Variants in ZNF217 observed in about 807,000 individuals in gnomAD.
ZNF217 encodes the protein zinc finger protein 217.
Under a neutral mutation model 73.3 loss-of-function variants are expected in ZNF217, and 12 were observed. That is an observed-to-expected ratio of 0.16 (90% confidence interval 0.10 to 0.27). ZNF217 has a LOEUF of 0.27. Among genes scored for constraint, ZNF217 ranks in the 10% least tolerant of loss-of-function variants. The pLI is 1.00. For missense variants in ZNF217, 1,195 were observed against 1,327.8 expected (o/e 0.90, Z 1.55); for synonymous variants, 588 against 516.4 (o/e 1.14, Z -1.88).
In ZNF217 at chr20:53,567,387, AATGTGGTT is replaced by A. The variant is rs1568674575; in HGVS notation, c.*1893_*1900del. On this transcript the variant is annotated 3_prime_UTR_variant, in exon 6 of 6. Coordinates refer to ENST00000371471, the MANE Select transcript of ZNF217 (RefSeq NM_006526.3). ...TAATTGGTATTTTTATACATTCAGA[AATGTGGTT>A]AAAAAGAGAAATCTGAAAGCCCAAA... 6.6e-6 allele frequency: 1 copy of A among 152,662 alleles called. No homozygotes were observed. The highest frequency in any genetic ancestry group is 1.5e-5 in the Non-Finnish European group (1 of 68,038). 9.5% of individuals were successfully genotyped at this position (152,662 alleles called of 1,614,324 possible).
At position 53,567,534 on chromosome 20, in the gene ZNF217, T is replaced by C. The variant is rs1600705549; in HGVS notation, c.*1754A>G. ...TATCACATACCCCCTTTAAGATTTATGGTTCTAGTCACAGCAAGCTCTCTG... is the reference window on the plus strand; with the variant it reads ...TATCACATACCCCCTTTAAGATTTACGGTTCTAGTCACAGCAAGCTCTCTG... On this transcript the variant is annotated 3_prime_UTR_variant, in exon 6 of 6. Coordinates refer to ENST00000371471, the MANE Select transcript of ZNF217 (RefSeq NM_006526.3). 1 of 152,650 alleles carries C rather than the reference T, an allele frequency of 6.6e-6. No individual in the cohort carries two copies. The highest frequency in any genetic ancestry group is 2.1e-4 in the South Asian group (1 of 4,836). The allele number at this position is 152,650 out of a possible 1,614,324, so 9.5% of individuals were successfully genotyped here. A position where few individuals can be genotyped will look rare whatever the true frequency, so the allele number is the denominator to read the frequency against.
chr20:53,579,181 T>TA (rs1232984172), intron 2 of ZNF217, among the ~76,000 whole-genome samples: 12 of 152,238 alleles, frequency 7.9e-5, no homozygotes, highest in East Asian at 3.9e-4. Flanking sequence ...CAGGAGAAGT[T>TA]AGAGTCCACT....
Position 53,576,526 on chromosome 20 carries a change from C to G in ZNF217, c.2238G>C (p.Lys746Asn). Residue 746 changes from lysine (K) to asparagine (N), a missense_variant, in exon 4 of 6, where the codon AAG (lysine) becomes AAC (asparagine). Transcript: ENST00000371471. ...CGGTACGTCGACTTCTAAGCAAGGA[C>G]TTGTTTCGACAGTTTTTATGAACGT... ...NPDVHKNCRN[K>N]SLLRSRRTGC... The G allele has an allele frequency of 6.2e-7, 1 of 1,614,238 alleles. No homozygotes were observed. Among genetic ancestry groups the G allele is most frequent in the Non-Finnish European group, 8.5e-7 (1 of 1,180,040 alleles).
intron 1 of ZNF217, among the ~76,000 whole-genome samples, chr20:53,587,245 T>G (rs1199651213): frequency 1.3e-5 from 2 of 152,224 alleles, no homozygotes; most frequent in East Asian, 3.8e-4. Context: ...TGTGATGTTC[T>G]TTAGGTCACT....
intron 1 of ZNF217, among the ~76,000 whole-genome samples, chr20:53,592,992 G>A (rs1568694066): frequency 1.3e-5 from 2 of 151,792 alleles, no homozygotes; most frequent in South Asian, 2.1e-4. Flanking sequence ...AGTGTTTATA[G>A]AACATTAAGA....
chr20:53,597,200 T>A (rs952368046), upstream of ZNF217, among the ~76,000 whole-genome samples: 2 of 152,222 alleles, frequency 1.3e-5, no homozygotes, highest in Non-Finnish European at 2.9e-5. Context: ...TAGGATCTTC[T>A]TATTTCACAA....
Position 53,582,733 on chromosome 20 carries a change from T to A in ZNF217, c.94A>T (p.Met32Leu). The change falls in exon 2 of 6, where the codon ATG becomes TTG. Residue 32 changes from methionine to leucine, a missense_variant. Physicochemically the swap from Met to Leu is conservative, Grantham distance 15. Coordinates refer to ENST00000371471, the MANE Select transcript of ZNF217 (RefSeq NM_006526.3). This position sits in a 1 kb window ranked among gnomAD's most constrained non-coding sequence, Gnocchi z 4.8. ...ATTGACAAGGCATCCTCCATCTCCA[T>A]CGGACTGCCAAGAGAGCTGCCAATC... ...EVIGSSLGSP[M>L]EMEDALSMKG... is the part of the protein sequence containing the mutation. The A allele has an allele frequency of 6.2e-7, 1 of 1,614,144 alleles. No individual in the cohort carries two copies. Among genetic ancestry groups the A allele is most frequent in the East Asian group, 2.2e-5 (1 of 44,880 alleles).
At chr20:53,573,936 C>T (rs1988127837) in intron 4 of ZNF217, among the ~76,000 whole-genome samples, 1 of 151,852 alleles carries the variant, frequency 6.6e-6, no homozygotes. Context: ...GCTGGCGTGG[C>T]GGTGGGTGCC....
In ZNF217 at chr20:53,581,118, A is replaced by T. The variant is rs1191144520; in HGVS notation, c.1366+343T>A. Among the ~76,000 whole-genome samples the T allele has an allele frequency of 1.3e-5, 2 of 152,044 alleles. No individual in the cohort carries two copies. Among genetic ancestry groups the T allele is most frequent in the African/African-American group, 4.8e-5 (2 of 41,398 alleles). On this transcript the variant is annotated intron_variant, in intron 2 of 5. Coordinates refer to ENST00000371471, the MANE Select transcript of ZNF217 (RefSeq NM_006526.3). This position sits in a 1 kb window ranked among gnomAD's most constrained non-coding sequence, Gnocchi z 4.9. ...TTGCCAGATACTGATTGGGAACAAA[A>T]TCGCCCCAGTTAAGAAGCAGTGCAT...
intron 2 of ZNF217, among the ~76,000 whole-genome samples, chr20:53,578,806 G>A (rs1226573454): frequency 1.3e-5 from 2 of 152,232 alleles, no homozygotes; most frequent in African/African-American, 4.8e-5. Context: ...CTGGCAAACT[G>A]AAGGTGGACA....
At position 53,582,236 on chromosome 20, in the gene ZNF217, T is replaced by G; in HGVS notation, c.591A>C (p.Ala197=). Residue 197 remains alanine, a synonymous_variant, in exon 2 of 6, where the codon GCA becomes GCC. Coordinates refer to ENST00000371471, the MANE Select transcript of ZNF217 (RefSeq NM_006526.3). The surrounding 1 kb of genome is among the most constrained non-coding windows in gnomAD (Gnocchi z 4.8). ...KLQQGLESSP[A]TINEVVQVHA... ...GCACCTGGACGACCTCGTTGATCGT[T>G]GCTGGACTACTCTCCAAGCCTTGCT... The G allele has an allele frequency of 6.2e-7, 1 of 1,614,184 alleles. No individual in the cohort carries two copies. The highest frequency in any genetic ancestry group is 8.5e-7 in the Non-Finnish European group (1 of 1,180,046).
At position 53,582,750 on chromosome 20, in the gene ZNF217, C is replaced by G; in HGVS notation, c.77G>C (p.Ser26Thr). ...MYMDGPEVIG[S>T]SLGSPMEMED... ...CATCTCCATCGGACTGCCAAGAGAG[C>G]TGCCAATCACTTCTGGCCCATCCAT... Residue 26 changes from serine to threonine, a missense_variant, in exon 2 of 6, where the codon AGC (serine) becomes ACC (threonine). By Grantham distance (58) the Ser-to-Thr change is moderately conservative. This residue lies in a region of ZNF217 where 147 missense variants were observed against 184.3 expected (regional missense o/e 0.80). Transcript: ENST00000371471. This position sits in a 1 kb window ranked among gnomAD's most constrained non-coding sequence, Gnocchi z 4.8. The G allele has an allele frequency of 3.1e-5, 50 of 1,614,100 alleles. No homozygotes were observed. The highest frequency in any genetic ancestry group is 4.2e-5 in the Non-Finnish European group (50 of 1,180,012).
chr20:53,594,446 G>A (rs888940100), upstream of ZNF217, among the ~76,000 whole-genome samples: 21 of 147,312 alleles, frequency 1.4e-4, no homozygotes, highest in Non-Finnish European at 1.0e-4. Flanking sequence ...TCCGCCCCCC[G>A]CCGCCGACTC....
At chr20:53,596,783 C>CT (rs1236171266), upstream of ZNF217, among the ~76,000 whole-genome samples, 1 of 151,882 alleles carries the variant, frequency 6.6e-6, no homozygotes, top group African/African-American at 2.4e-5. Context: ...TCAGGTGCTA[C>CT]TAGATGCCAG....
Position 53,577,067 on chromosome 20 carries a change from T to C in ZNF217, c.1697A>G (p.Asp566Gly). The C allele has an allele frequency of 6.2e-7, 1 of 1,614,230 alleles. No homozygotes were observed. Among genetic ancestry groups the C allele is most frequent in the East Asian group, 2.2e-5 (1 of 44,886 alleles). The change falls in exon 4 of 6, where the codon GAT (aspartate) becomes GGT (glycine). Residue 566 changes from aspartate (D) to glycine (G), a missense_variant. Asp to Gly is a moderately conservative substitution (Grantham distance 94, BLOSUM62 -1). Around this residue, in one of 9 missense-constraint regions of ZNF217, gnomAD observed 649 missense variants for 642.8 expected, o/e 1.01. Coordinates refer to ENST00000371471, the MANE Select transcript of ZNF217 (RefSeq NM_006526.3). ...CTTTGCAGGTGGACTGCCTGTAACATCTTTGGCACCATCAAAAAATCTTTT... is the reference window on the plus strand; with the variant it reads ...CTTTGCAGGTGGACTGCCTGTAACACCTTTGGCACCATCAAAAAATCTTTT... Reference protein sequence around the residue: ...NLKRFFDGAKDVTGSPPAKQL... With the variant: ...NLKRFFDGAKGVTGSPPAKQL...
At chr20:53,593,936 C>T (rs1244885989), upstream of ZNF217, 1 of 151,274 alleles carries the variant, frequency 6.6e-6, no homozygotes, top group Non-Finnish European at 1.5e-5. Context: ...GGACACCTCC[C>T]GGATTCCGCG....
chr20:53,583,210 G>C lies in ZNF217; in HGVS notation c.-342-42C>G, dbSNP rs182799042. 468 of 405,760 alleles carry C rather than the reference G, an allele frequency of 1.2e-3. 4 individuals carry two copies. Among genetic ancestry groups the C allele is most frequent in the African/African-American group, 9.2e-3 (450 of 48,784 alleles). The allele number at this position is 405,760 out of a possible 1,614,324, so 25.1% of individuals were successfully genotyped here. ...AGAAACGGTTAGCTACACTCAGAGC[G>C]AAGAGAAGGCTGGTGTGGGTGAGTC... On this transcript the variant is annotated intron_variant, in intron 1 of 5. Transcript: ENST00000371471.
chr20:53,581,317 A>T lies in ZNF217; in HGVS notation c.1366+144T>A, dbSNP rs940335952. 8 of 1,151,532 alleles carry T rather than the reference A, an allele frequency of 6.9e-6. No homozygotes were observed. Among genetic ancestry groups the T allele is most frequent in the Non-Finnish European group, 8.4e-6 (7 of 834,670 alleles). 71.3% of individuals were successfully genotyped at this position (1,151,532 alleles called of 1,614,324 possible). On this transcript the variant is annotated intron_variant, in intron 2 of 5. Coordinates refer to ENST00000371471, the MANE Select transcript of ZNF217 (RefSeq NM_006526.3). The surrounding 1 kb of genome is among the most constrained non-coding windows in gnomAD (Gnocchi z 4.9). The stretch of plus-strand genomic sequence containing the variant: ...GAGGTTAAATGACTTACACAGAGTG[A>T]TACCAAAAAGAGCCTGGACTTGACT...
intron 1 of ZNF217, among the ~76,000 whole-genome samples, chr20:53,593,158 G>A (rs1988942398): frequency 6.6e-6 from 1 of 151,432 alleles, no homozygotes; most frequent in African/African-American, 2.4e-5. Context: ...GTCACGGGGC[G>A]CGCGTCGGGG....
Sources: allele counts gnomAD v4.1 joint callset (sites outside exome capture counted in the v4.1 genomes callset), GRCh38; gene constraint gnomAD v4.1.1; regional missense constraint gnomAD v4.1.1; non-coding constraint Gnocchi (gnomAD v3.1); transcripts MANE v1.5; gene names NCBI Gene and HGNC (gene_info 2026-07-23, HGNC 2026-07-21).